Variants in STARD8 observed in about 807,000 individuals in gnomAD.
The protein encoded by STARD8 is stAR-related lipid transfer protein 8.
A neutral mutation model predicts 69.4 loss-of-function variants in STARD8; 25 were observed. The ratio of observed to expected loss-of-function variants is 0.36; its 90% CI spans 0.26 to 0.50. The LOEUF (loss-of-function observed/expected upper bound fraction) is 0.50, where lower values mean the gene tolerates loss of function less well. Ranked by LOEUF, STARD8 falls within the 20% of genes least tolerant of loss-of-function variation. The pLI is 0.96. For missense variants in STARD8, 921 were observed against 932.5 expected, an observed-to-expected ratio of 0.99 and a Z score of 0.16; for synonymous variants, 389 against 374.6, an observed-to-expected ratio of 1.04 and a Z score of -0.45.
chrX:68,667,644 A>C (rs1027044113), intron 2 of STARD8, among the ~76,000 whole-genome samples: 1 of 111,017 alleles, frequency 9.0e-6, no homozygotes, highest in Admixed American at 9.6e-5. Flanking sequence ...CGATGAGTTT[A>C]GAAGGTCTGA....
At position 68,689,617 on chromosome X, in the gene STARD8, G is replaced by A. The variant is rs145869485; in HGVS notation, c.80-23297G>A. Among the ~76,000 whole-genome samples, 10 of 112,560 alleles carry A rather than the reference G, an allele frequency of 8.9e-5. No individual in the cohort carries two copies. In the East Asian group the frequency reaches 2.5e-3, roughly 29 times the overall value. ...ACCTGTATGTCTGAGCTTAGGGAGG[G>A]CAAGGGCAGAGAGGTTAGGTGACCC... is the stretch of plus-strand genomic sequence containing the variant. On this transcript the variant is annotated intron_variant, in intron 2 of 14. Coordinates refer to ENST00000374599, the MANE Select transcript of STARD8 (RefSeq NM_001142503.3).
intron 2 of STARD8, among the ~76,000 whole-genome samples, chrX:68,682,437 A>G (rs1347655860): frequency 1.8e-5 from 2 of 112,562 alleles, no homozygotes; most frequent in Non-Finnish European, 3.8e-5. Flanking sequence ...GAAGACATGG[A>G]TAATTAAACT....
intron 1 of STARD8, among the ~76,000 whole-genome samples, chrX:68,661,927 T>C (rs192174238): frequency 1.0e-3 from 74 of 72,471 alleles, no homozygotes; most frequent in African/African-American, 3.1e-3. Context: ...CCTTCCTTCC[T>C]TCCCTCCCTC....
chrX:68,658,623 C>T (rs972813063), intron 1 of STARD8, among the ~76,000 whole-genome samples: 1 of 112,776 alleles, frequency 8.9e-6, no homozygotes, highest in Non-Finnish European at 1.9e-5. Context: ...CTTGGTCTTC[C>T]CAGCAGCCTC....
chrX:68,694,747 G>A lies in STARD8; in HGVS notation c.80-18167G>A, dbSNP rs1033271245. Among the ~76,000 whole-genome samples the A allele has an allele frequency of 4.5e-5, 5 of 111,574 alleles. 1 individual carries two copies. The highest frequency in any genetic ancestry group is 1.6e-4 in the African/African-American group (5 of 30,603). ...GTAAAAGGTTGTCTCTGAGACGCTC[G>A]GGGTGGCAGCAGCTATGCACACGGA... On this transcript the variant is annotated intron_variant, in intron 2 of 14. Transcript: ENST00000374599.
At chrX:68,681,704 C>A (rs1260137743) in intron 2 of STARD8, among the ~76,000 whole-genome samples, 1 of 112,158 alleles carries the variant, frequency 8.9e-6, no homozygotes, top group Non-Finnish European at 1.9e-5. Flanking sequence ...ACAGCAGACT[C>A]CAAGAGCTGC....
intron 2 of STARD8, among the ~76,000 whole-genome samples, chrX:68,681,624 C>T (rs1381768958): frequency 8.9e-6 from 1 of 112,851 alleles, no homozygotes; most frequent in Admixed American, 9.3e-5. Flanking sequence ...TCCATATGAA[C>T]CTCTGAATTG....
At chrX:68,664,385 C>A (rs1021442830) in intron 1 of STARD8, among the ~76,000 whole-genome samples, 3 of 112,083 alleles carry the variant, frequency 2.7e-5, no homozygotes, top group African/African-American at 9.7e-5. Context: ...GCCAGAGTGA[C>A]CTTTTGAAGG....
rs1014167350 is a variant in STARD8, at chrX:68,665,416, C to T, written c.46-83C>T. 6.6e-6 allele frequency: 7 copies of T among 1,058,780 alleles called. No individual in the cohort carries two copies. In the African/African-American group the frequency reaches 1.1e-4, roughly 17 times the overall value. The allele number at this position is 1,058,780 out of a possible 1,213,427, so 87.3% of individuals were successfully genotyped here. ...TCTGTAAAATGGGTAATGGGTAGAT[C>T]GAACTTGCTAACTTTAAGATCGCTT... On this transcript the variant is annotated intron_variant, in intron 1 of 14. Transcript: ENST00000374599.
At chrX:68,669,484 G>A (rs1019438131) in intron 2 of STARD8, among the ~76,000 whole-genome samples, 2 of 112,348 alleles carry the variant, frequency 1.8e-5, no homozygotes, top group African/African-American at 6.5e-5. Context: ...GCAGCCCACA[G>A]AGGTGAGGAG....
intron 3 of STARD8, among the ~76,000 whole-genome samples, chrX:68,713,284 G>C (rs754289363): frequency 1.8e-5 from 2 of 112,704 alleles, no homozygotes; most frequent in Non-Finnish European, 3.8e-5. Context: ...GGTACACACG[G>C]TGTGAAGAAT....
intron 2 of STARD8, chrX:68,693,950 G>C (rs2079898579): frequency 2.0e-6 from 1 of 501,751 alleles, no homozygotes; most frequent in Non-Finnish European, 2.5e-6. Flanking sequence ...CCGCCGGGCG[G>C]CGTACGCAAG....
intron 1 of STARD8, among the ~76,000 whole-genome samples, chrX:68,650,613 G>A (rs1008988741): frequency 9.1e-6 from 1 of 109,674 alleles, no homozygotes; most frequent in African/African-American, 3.3e-5. Flanking sequence ...ACCAGCCTGG[G>A]CAGCATAGTA....
At chrX:68,688,809 A>AC (rs2079853642) in intron 2 of STARD8, among the ~76,000 whole-genome samples, 1 of 91,252 alleles carries the variant, frequency 1.1e-5, no homozygotes, top group Non-Finnish European at 2.2e-5. Context: ...GGCCCCAGGT[A>AC]CCCCCCATCC....
intron 2 of STARD8, among the ~76,000 whole-genome samples, chrX:68,694,696 C>G (rs1030930319): frequency 9.0e-6 from 1 of 111,531 alleles, no homozygotes; most frequent in African/African-American, 3.3e-5. Context: ...TTACTTGGTA[C>G]CTGGGGTCAG....
chrX:68,719,370 A>C lies in STARD8; in HGVS notation c.1861A>C (p.Thr621Pro). 8.4e-7 allele frequency: 1 copy of C among 1,188,221 alleles called. No individual in the cohort carries two copies. Among genetic ancestry groups the C allele is most frequent in the Non-Finnish European group, 1.1e-6 (1 of 882,914 alleles). Residue 621 changes from threonine to proline, a missense_variant, in exon 7 of 15, where the codon ACT becomes CCT. Coordinates refer to ENST00000374599, the MANE Select transcript of STARD8 (RefSeq NM_001142503.3). Reference sequence around the variant, plus strand: ...GCTTACCGCGTTCATGGAGAAGTACACTGTGCCCCACAAGCAGGGCTGGGT... The same window carrying C: ...GCTTACCGCGTTCATGGAGAAGTACCCTGTGCCCCACAAGCAGGGCTGGGT... ...LRLTAFMEKYTVPHKQGWVWS... is the reference protein window; with the variant it reads ...LRLTAFMEKYPVPHKQGWVWS...
chrX:68,718,073 C>A lies in STARD8; in HGVS notation c.1159C>A (p.His387Asn). The change falls in exon 6 of 15, where the codon CAC becomes AAC. Residue 387 changes from histidine (H) to asparagine (N), a missense_variant. His to Asn is a moderately conservative substitution (Grantham distance 68). Coordinates refer to ENST00000374599, the MANE Select transcript of STARD8 (RefSeq NM_001142503.3). ...TGAGGAGAGTGGGGGCAGCTATGCT[C>A]ACCTAGACGACATCCTCCAGCACGT... ...DDEESGGSYA[H>N]LDDILQHVWG... 8.3e-7 allele frequency: 1 copy of A among 1,211,319 alleles called. No individual in the cohort carries two copies. The highest frequency in any genetic ancestry group is 1.1e-6 in the Non-Finnish European group (1 of 895,322).
At chrX:68,693,569 C>T in intron 2 of STARD8, 1 of 703,964 alleles carries the variant, frequency 1.4e-6, no homozygotes, top group Non-Finnish European at 1.7e-6. Flanking sequence ...CCAGACTGCG[C>T]CCCCATTGGC....
chrX:68,677,457 G>A (rs991589290), intron 2 of STARD8, among the ~76,000 whole-genome samples: 6 of 111,570 alleles, frequency 5.4e-5, no homozygotes, highest in Non-Finnish European at 1.1e-4. Flanking sequence ...TTGGCCCCTC[G>A]AGGGCTGTGT....
Sources: gnomAD v4.1 joint callset for allele counts (sites outside exome capture counted in the v4.1 genomes callset) on GRCh38, gnomAD v4.1.1 for gene constraint, MANE v1.5 for transcripts, NCBI Gene and HGNC (gene_info 2026-07-23, HGNC 2026-07-21) for gene names.